SNX32: variants seen among roughly 807,000 people sequenced by gnomAD.
The protein encoded by SNX32 is sorting nexin-32.
SNX32 carries 58 observed loss-of-function variants against 57.0 expected under a neutral mutation model. The ratio of observed to expected loss-of-function variants is 1.02; its 90% CI spans 0.82 to 1.27. The LOEUF is 1.27. Among genes scored for constraint, SNX32 ranks in the 50% most tolerant of loss-of-function variants. The probability of loss-of-function intolerance (pLI) is 0.00; values close to 1 mark genes in which losing one functional copy is unlikely to be tolerated. For synonymous variants in SNX32, 262 were observed against 220.4 expected, an observed-to-expected ratio of 1.19 and a Z score of -1.67; for missense variants, 589 against 541.2, an observed-to-expected ratio of 1.09 and a Z score of -0.88.
intron 1 of SNX32, among the ~76,000 whole-genome samples, chr11:65,847,919 A>T (rs1432306792): frequency 1.3e-5 from 2 of 152,106 alleles, no homozygotes; most frequent in African/African-American, 4.8e-5. Flanking sequence ...AAAAAAAAAA[A>T]AAAGTGAGAA....
At chr11:65,847,087 A>G (rs924022189) in intron 1 of SNX32, among the ~76,000 whole-genome samples, 1 of 150,256 alleles carries the variant, frequency 6.7e-6, no homozygotes, top group East Asian at 2.0e-4. Context: ...GGCTCACTGC[A>G]GCCTGCACCT....
chr11:65,850,277 T>C lies in SNX32; in HGVS notation c.374+6T>C, dbSNP rs1255845106. On this transcript the variant is annotated splice_donor_region_variant and intron_variant, in intron 4 of 12. Transcript: ENST00000308342. ...ATGAAGCAGGAGCTGGAAGCGTGAG[T>C]GCCCCCTCCTTTCCCTGCCATCCCC... is the stretch of plus-strand genomic sequence containing the variant. The C allele has an allele frequency of 1.2e-6, 2 of 1,614,120 alleles. No individual in the cohort carries two copies. The highest frequency in any genetic ancestry group is 1.7e-6 in the Non-Finnish European group (2 of 1,180,032).
intron 1 of SNX32, among the ~76,000 whole-genome samples, chr11:65,848,093 A>G (rs943793128): frequency 6.6e-6 from 1 of 152,100 alleles, no homozygotes; most frequent in African/African-American, 2.4e-5. Flanking sequence ...CTGTTTCTGG[A>G]CCCACATATC....
chr11:65,850,613 A>T, intron 5 of SNX32, 59 bp downstream of exon 5: 1 of 1,561,878 alleles, frequency 6.4e-7, no homozygotes, highest in Admixed American at 1.9e-5. Context: ...TTGGGTGGGG[A>T]GGCACCCAGG....
intron 1 of SNX32, among the ~76,000 whole-genome samples, chr11:65,842,730 C>T (rs895084690): frequency 2.6e-5 from 4 of 151,478 alleles, no homozygotes; most frequent in African/African-American, 7.3e-5. Context: ...GGGGGTGGAT[C>T]GCCTGAGGTC....
chr11:65,852,903 CCTCTTTTCGAAAGAAT>C lies in SNX32; in HGVS notation c.1107_1122del (p.Phe370LeufsTer16). 6.2e-7 allele frequency: 1 copy of C among 1,614,178 alleles called. No individual in the cohort carries two copies. Among genetic ancestry groups the C allele is most frequent in the South Asian group, 1.1e-5 (1 of 91,084 alleles). ...ATGGACTTCAAGTCCCGCCGGGTCT[CCTCTTTTCGAAAGAAT>C]CTCATTGAGCTGGCAGAGCTGGAGC... On this transcript the variant is annotated frameshift_variant, in exon 12 of 13. Transcript: ENST00000308342. LOFTEE classifies it high-confidence loss of function.
chr11:65,852,360 G>A (rs1053158687), intron 9 of SNX32, 105 bp from the exon 10 acceptor site: 1 of 1,023,890 alleles, frequency 9.8e-7, no homozygotes, highest in Non-Finnish European at 1.5e-6. Context: ...ACCTGGAACA[G>A]TTACCTAAGG....
Position 65,850,814 on chromosome 11 carries a change from T to C in SNX32, c.562T>C (p.Ser188Pro), listed in dbSNP as rs1464848970. 1 of 1,614,028 alleles carries C rather than the reference T, an allele frequency of 6.2e-7. No homozygotes were observed. The highest frequency in any genetic ancestry group is 1.1e-5 in the South Asian group (1 of 91,066). Residue 188 changes from serine to proline, a missense_variant, in exon 6 of 13, where the codon TCC becomes CCC. Physicochemically the swap from Ser to Pro is moderately conservative, Grantham distance 74. Transcript: ENST00000308342. ...AGGGTTTCTGAGGAATATTGTGAAG[T>C]CCGCGGATGAAGCCCTCATCACGGG... ...LGGFLRNIVK[S>P]ADEALITGMS... is the part of the protein sequence containing the mutation.
At chr11:65,847,506 T>C (rs1859035414) in intron 1 of SNX32, among the ~76,000 whole-genome samples, 1 of 152,026 alleles carries the variant, frequency 6.6e-6, no homozygotes, top group Admixed American at 6.6e-5. Flanking sequence ...ATATCTATCA[T>C]GATCTGAGTT....
At chr11:65,849,011 G>A (rs1845099828) in intron 1 of SNX32, among the ~76,000 whole-genome samples, 1 of 152,150 alleles carries the variant, frequency 6.6e-6, no homozygotes, top group African/African-American at 2.4e-5. Context: ...AGGCATGGTG[G>A]CTCATGCCTG....
At chr11:65,838,360 T>C (rs924244258) in intron 1 of SNX32, among the ~76,000 whole-genome samples, 3 of 151,710 alleles carry the variant, frequency 2.0e-5, no homozygotes, top group African/African-American at 7.3e-5. Context: ...CTAAAAGGAG[T>C]AATAGGCAAA....
chr11:65,850,646 C>T (rs1859151934), intron 5 of SNX32, 92 bp downstream of exon 5: 3 of 1,558,744 alleles, frequency 1.9e-6, no homozygotes, highest in Middle Eastern at 3.9e-4. Flanking sequence ...GGAGAAGGGG[C>T]CCAAGTGGGC....
chr11:65,852,977 C>A lies in SNX32; in HGVS notation c.1158+19C>A. ...CGCCAAGGTGAGCCCTCCCACCTCACTGGGCCCTTGTGAAGCCTCCCACCT... is the reference window on the plus strand; with the variant it reads ...CGCCAAGGTGAGCCCTCCCACCTCAATGGGCCCTTGTGAAGCCTCCCACCT... On this transcript the variant is annotated intron_variant, in intron 12 of 12. Transcript: ENST00000308342. 1.2e-6 allele frequency: 2 copies of A among 1,613,320 alleles called. No homozygotes were observed. Among genetic ancestry groups the A allele is most frequent in the Non-Finnish European group, 1.7e-6 (2 of 1,179,390 alleles).
At chr11:65,852,813 A>G in intron 11 of SNX32, 24 bp downstream of exon 11, 2 of 1,610,524 alleles carry the variant, frequency 1.2e-6, no homozygotes, top group Non-Finnish European at 8.5e-7. Context: ...CCCCAGCCCC[A>G]GCCTGGGGCC....
intron 1 of SNX32, among the ~76,000 whole-genome samples, chr11:65,845,267 G>A (rs1354645876): frequency 4.6e-5 from 7 of 150,756 alleles, no homozygotes; most frequent in Admixed American, 3.3e-4. Flanking sequence ...GTGAAACCCC[G>A]TCTCTACTAA....
In SNX32 at chr11:65,850,146, G is replaced by A; in HGVS notation, c.253-4G>A. ...CCTCCCAGCTCCGTCCCTCCTTTGAGCAGATCCCCCCAGCCCCTCCGAGGC... is the reference window on the plus strand; with the variant it reads ...CCTCCCAGCTCCGTCCCTCCTTTGAACAGATCCCCCCAGCCCCTCCGAGGC... On this transcript the variant is annotated splice_polypyrimidine_tract_variant and splice_region_variant and intron_variant, in intron 3 of 12. Transcript: ENST00000308342. 1 of 1,614,232 alleles carries A rather than the reference G, an allele frequency of 6.2e-7. No individual in the cohort carries two copies. Among genetic ancestry groups the A allele is most frequent in the Non-Finnish European group, 8.5e-7 (1 of 1,180,030 alleles).
At chr11:65,853,057 A>C in intron 12 of SNX32, 99 bp downstream of exon 12, 1 of 1,371,020 alleles carries the variant, frequency 7.3e-7, no homozygotes. Flanking sequence ...GAGGGTGTGC[A>C]CGCATGTATG....
At position 65,850,527 on chromosome 11, in the gene SNX32, C is replaced by CT. The variant is rs748922515; in HGVS notation, c.474dup (p.Val159CysfsTer33). ...CCACCCTGCGTCGAGACCACAACTT[C>CT]TTTGTGTTTTTGGAATATGGACAGG... is the stretch of plus-strand genomic sequence containing the variant. On this transcript the variant is annotated frameshift_variant, in exon 5 of 13. Coordinates refer to ENST00000308342, the MANE Select transcript of SNX32 (RefSeq NM_152760.3). LOFTEE classifies it high-confidence loss of function. The CT allele has an allele frequency of 3.7e-5, 60 of 1,612,432 alleles. No homozygotes were observed. The highest frequency in any genetic ancestry group is 4.8e-5 in the Non-Finnish European group (57 of 1,179,230).
Position 65,851,172 on chromosome 11 carries a change from C to A in SNX32, c.709+12C>A. ...GCGCGCCCACAAGTGTACGCAGGGC[C>A]CAAGGGGTCCTGGATCCCCCTGCCC... is the stretch of plus-strand genomic sequence containing the variant. On this transcript the variant is annotated intron_variant, in intron 7 of 12. Transcript: ENST00000308342. The A allele has an allele frequency of 3.7e-6, 6 of 1,610,998 alleles. No individual in the cohort carries two copies. The highest frequency in any genetic ancestry group is 5.1e-6 in the Non-Finnish European group (6 of 1,179,334).
Sources: gnomAD v4.1 joint callset for allele counts (sites outside exome capture counted in the v4.1 genomes callset) on GRCh38, gnomAD v4.1.1 for gene constraint, MANE v1.5 for transcripts, NCBI Gene and HGNC (gene_info 2026-07-23, HGNC 2026-07-21) for gene names.